CTBP2: variants seen among roughly 807,000 people sequenced by gnomAD.
The protein encoded by CTBP2 is C-terminal-binding protein 2.
Under a neutral mutation model 80.3 loss-of-function variants are expected in CTBP2, and 30 were observed. The observed-to-expected ratio is 0.37, with a 90% CI of 0.28 to 0.51. The LOEUF is 0.51. Ranked by LOEUF, CTBP2 falls within the 20% of genes least tolerant of loss-of-function variation. CTBP2 has a pLI of 0.93. For missense variants in CTBP2, 1,212 were observed against 1,375.3 expected (o/e 0.88, Z 1.88); for synonymous variants, 594 against 587.4 (o/e 1.01, Z -0.16).
chr10:125,046,410 C>T (rs112691870), intron 2 of CTBP2, among the ~76,000 whole-genome samples: 2,171 of 151,842 alleles, frequency 0.014, 57 homozygotes, highest in African/African-American at 0.05. Flanking sequence ...TGGTGGTGCA[C>T]GCCTGTAATC....
chr10:125,077,981 C>T lies in CTBP2; in HGVS notation c.-102+33009G>A, dbSNP rs542594279. 4.8e-4 allele frequency among the ~76,000 whole-genome samples: 73 copies of T among 152,236 alleles called. 1 individual carries two copies. The highest frequency in any genetic ancestry group is 9.0e-4 in the Non-Finnish European group (61 of 68,020). On this transcript the variant is annotated intron_variant, in intron 2 of 10. Transcript: ENST00000337195. ...TGCTCTGACCCCTTCATCACAATTCCCATAAGAACCTTTCTCAGGCCGGGC... is the reference window on the plus strand; with the variant it reads ...TGCTCTGACCCCTTCATCACAATTCTCATAAGAACCTTTCTCAGGCCGGGC...
chr10:125,095,080 G>A (rs1030458147), intron 2 of CTBP2, among the ~76,000 whole-genome samples: 1 of 152,242 alleles, frequency 6.6e-6, no homozygotes, highest in Non-Finnish European at 1.5e-5. Context: ...AGGTGGAGCT[G>A]AGAACAGGAG....
chr10:125,049,103 CCACACACATA>C (rs916021059), intron 2 of CTBP2, among the ~76,000 whole-genome samples: 5 of 110,870 alleles, frequency 4.5e-5, no homozygotes, highest in African/African-American at 1.7e-4. Context: ...GTCCACCTGA[CCACACACATA>C]CACACACAAC....
At chr10:125,098,947 C>A (rs1850186906) in intron 2 of CTBP2, among the ~76,000 whole-genome samples, 1 of 152,146 alleles carries the variant, frequency 6.6e-6, no homozygotes, top group Admixed American at 6.5e-5. Flanking sequence ...AATGGAACTG[C>A]AAAGCTTACA....
At chr10:125,080,795 A>C (rs1451604478) in intron 2 of CTBP2, among the ~76,000 whole-genome samples, 2 of 152,100 alleles carry the variant, frequency 1.3e-5, no homozygotes, top group African/African-American at 2.4e-5. Flanking sequence ...ACCTGATAGG[A>C]GTCTCTGAAC....
intron 2 of CTBP2, among the ~76,000 whole-genome samples, chr10:125,107,258 C>CTGTGG (rs1274383272): frequency 6.6e-6 from 1 of 152,234 alleles, no homozygotes; most frequent in African/African-American, 2.4e-5. Context: ...ATGAAAGGCC[C>CTGTGG]TGTGGATCTT....
chr10:125,076,935 C>T (rs550852683), intron 2 of CTBP2, among the ~76,000 whole-genome samples: 11 of 152,192 alleles, frequency 7.2e-5, no homozygotes, highest in South Asian at 2.1e-4. Context: ...CTCGCTACTT[C>T]CTGCTGGTCC....
intron 1 of CTBP2, among the ~76,000 whole-genome samples, chr10:125,135,073 C>T (rs113399293): frequency 2.3e-4 from 35 of 152,284 alleles, no homozygotes; most frequent in African/African-American, 8.4e-4. Flanking sequence ...CGCCCCCACT[C>T]GCTGCGCTGG....
At chr10:125,057,465 G>A (rs1000038151) in intron 2 of CTBP2, among the ~76,000 whole-genome samples, 4 of 152,176 alleles carry the variant, frequency 2.6e-5, no homozygotes, top group Admixed American at 1.3e-4. Flanking sequence ...GCCCCTGACT[G>A]GCAATTAGCT....
chr10:125,003,275 G>A (rs1419564618), intron 2 of CTBP2, 63 bp downstream of exon 4: 8 of 1,591,150 alleles, frequency 5.0e-6, no homozygotes, highest in Non-Finnish European at 6.8e-6. Flanking sequence ...ATCTAATGGG[G>A]GGATGCTGGG....
At chr10:125,158,605 A>AG (rs1861356709) in intron 1 of CTBP2, 2 of 152,220 alleles carry the variant, frequency 1.3e-5, no homozygotes, top group South Asian at 4.1e-4. Context: ...TAAAGAAAAA[A>AG]GGGGGTAAAT....
intron 2 of CTBP2, among the ~76,000 whole-genome samples, chr10:125,082,309 C>T (rs964562513): frequency 6.6e-6 from 1 of 152,216 alleles, no homozygotes; most frequent in African/African-American, 2.4e-5. Flanking sequence ...CTTAAGTCCT[C>T]GTCCATGCTC....
intron 2 of CTBP2, among the ~76,000 whole-genome samples, chr10:125,107,269 C>T (rs1350763860): frequency 6.6e-6 from 1 of 152,232 alleles, no homozygotes; most frequent in African/African-American, 2.4e-5. Flanking sequence ...TGTGGATCTT[C>T]CTCTGGTTTG....
chr10:125,120,942 ACT>A (rs774523561), intron 1 of CTBP2, among the ~76,000 whole-genome samples: 82 of 151,926 alleles, frequency 5.4e-4, no homozygotes, highest in Non-Finnish European at 1.1e-3. Flanking sequence ...CTTGACCCTG[ACT>A]CTCTCACATT....
chr10:125,148,565 G>C (rs908645945), intron 1 of CTBP2, among the ~76,000 whole-genome samples: 1 of 152,162 alleles, frequency 6.6e-6, no homozygotes, highest in African/African-American at 2.4e-5. Flanking sequence ...CTAAGCTCTC[G>C]GGCCTGACTG....
At chr10:125,045,589 C>A (rs1961034658) in intron 2 of CTBP2, among the ~76,000 whole-genome samples, 1 of 152,154 alleles carries the variant, frequency 6.6e-6, no homozygotes, top group Non-Finnish European at 1.5e-5. Context: ...ACCTCCACTT[C>A]TCGAGTTCAA....
Position 125,075,495 on chromosome 10 carries a change from C to T in CTBP2, c.-102+35495G>A, listed in dbSNP as rs149922078. On this transcript the variant is annotated intron_variant, in intron 2 of 10. Transcript: ENST00000337195. Reference sequence around the variant, plus strand: ...CAAGAAGACCCTCGCCAGATGCCAACCTTGTGATCTTGGACTTCCCAACCT... The same window carrying T: ...CAAGAAGACCCTCGCCAGATGCCAATCTTGTGATCTTGGACTTCCCAACCT... 3.6e-3 allele frequency among the ~76,000 whole-genome samples: 553 copies of T among 152,252 alleles called. 1 individual carries two copies. Among genetic ancestry groups the T allele is most frequent in the Non-Finnish European group, 6.1e-3 (412 of 68,022 alleles).
Position 124,988,537 on chromosome 10 carries a change from T to C in CTBP2, c.*981A>G, listed in dbSNP as rs184409740. ...TACAAAGGCTCAAAATAGGCCATCT[T>C]TTTAAACAAAAAGGCAATGATTCAC... On this transcript the variant is annotated 3_prime_UTR_variant, in exon 9 of 9. Transcript: ENST00000309035. 9.8e-5 allele frequency: 15 copies of C among 152,762 alleles called. No homozygotes were observed. The East Asian group carries it at 2.7e-3, about 27-fold the overall frequency. The allele number at this position is 152,762 out of a possible 1,614,324, so 9.5% of individuals were successfully genotyped here.
chr10:124,985,018 C>T lies in CTBP2; in HGVS notation c.*4500G>A, dbSNP rs370997540. ...AAAAAAAAATCAAACAGCAGAAGAC[C>T]AAGGCATCAGATCTGTAATGACCCT... On this transcript the variant is annotated 3_prime_UTR_variant, in exon 9 of 9. Coordinates refer to ENST00000309035, the MANE Select transcript of CTBP2 (RefSeq NM_022802.3). 3.7e-5 allele frequency: 57 copies of T among 1,545,086 alleles called. 1 individual carries two copies. The African/African-American group carries it at 5.2e-4, about 14-fold the overall frequency.
Sources: gnomAD v4.1 joint callset for allele counts (sites outside exome capture counted in the v4.1 genomes callset) on GRCh38, gnomAD v4.1.1 for gene constraint, MANE v1.5 for transcripts, NCBI Gene and HGNC (gene_info 2026-07-23, HGNC 2026-07-21) for gene names.